SWT1: variants seen among roughly 807,000 people sequenced by gnomAD.
SWT1 encodes the protein transcriptional protein SWT1.
In SWT1, 33 loss-of-function variants were observed where a neutral mutation model predicts 107.3. That is an observed-to-expected ratio of 0.31 (90% CI 0.23 to 0.41). The LOEUF (loss-of-function observed/expected upper bound fraction) is 0.41, where lower values mean the gene tolerates loss of function less well. Ranked by LOEUF, SWT1 falls within the 10% of genes least tolerant of loss-of-function variation. The pLI, the probability that SWT1 is intolerant of heterozygous loss-of-function variation, is 1.00. For missense variants in SWT1, 898 were observed against 1,028.9 expected, an observed-to-expected ratio of 0.87 and a Z score of 1.74; for synonymous variants, 345 against 348.3, an observed-to-expected ratio of 0.99 and a Z score of 0.11.
intron 17 of SWT1, among the ~76,000 whole-genome samples, chr1:185,275,867 C>CAT (rs1329836422): frequency 1.3e-5 from 2 of 152,204 alleles, no homozygotes; most frequent in Non-Finnish European, 2.9e-5. Context: ...TAGGGGGTAT[C>CAT]ATTCTTCCCC....
chr1:185,235,229 C>G (rs1660780637), intron 16 of SWT1, among the ~76,000 whole-genome samples: 1 of 152,170 alleles, frequency 6.6e-6, no homozygotes, highest in Non-Finnish European at 1.5e-5. Context: ...CCAGCATCAT[C>G]CTGATACCAA....
chr1:185,200,998 G>A (rs771780559), intron 10 of SWT1, among the ~76,000 whole-genome samples: 19 of 152,246 alleles, frequency 1.2e-4, no homozygotes, highest in African/African-American at 3.1e-4. Flanking sequence ...GCTTTGGGGC[G>A]CTGCGGTGGG....
chr1:185,166,691 C>A, intron 3 of SWT1, 39 bp downstream of exon 3: 2 of 1,278,660 alleles, frequency 1.6e-6, no homozygotes, highest in Non-Finnish European at 2.2e-6. Context: ...GTTATTTATG[C>A]TAAAGTTTTA....
At chr1:185,220,253 T>C (rs1386724729) in intron 14 of SWT1, among the ~76,000 whole-genome samples, 3 of 150,924 alleles carry the variant, frequency 2.0e-5, no homozygotes, top group Non-Finnish European at 4.4e-5. Context: ...CTTTCTTTTT[T>C]TTTTTGCCAA....
chr1:185,184,254 TC>T lies in SWT1; in HGVS notation c.1151del (p.Ser384Ter). The T allele has an allele frequency of 6.5e-7, 1 of 1,534,564 alleles. No homozygotes were observed. Among genetic ancestry groups the T allele is most frequent in the Non-Finnish European group, 8.9e-7 (1 of 1,124,854 alleles). ...CTCTTTTTCTTTAGCAAATAATACT[TC>T]AGACAGAAAGCTTCTAATTGTTATT... ...DVHSSSANNT[S>X]DRKLLIVIDT... On this transcript the variant is annotated frameshift_variant, in exon 8 of 19. Coordinates refer to ENST00000367500, the MANE Select transcript of SWT1 (RefSeq NM_017673.7). LOFTEE classifies it high-confidence loss of function.
chr1:185,209,444 A>C (rs1378173504), intron 13 of SWT1, among the ~76,000 whole-genome samples: 1 of 152,036 alleles, frequency 6.6e-6, no homozygotes, highest in Non-Finnish European at 1.5e-5. Context: ...CTCATTGTTC[A>C]GCTCCCACAT....
At chr1:185,201,678 C>T (rs1657895919) in intron 10 of SWT1, among the ~76,000 whole-genome samples, 1 of 152,178 alleles carries the variant, frequency 6.6e-6, no homozygotes, top group Non-Finnish European at 1.5e-5. Flanking sequence ...GAGCTGCAGA[C>T]TGGAGCTGTT....
intron 16 of SWT1, among the ~76,000 whole-genome samples, chr1:185,242,713 T>C (rs1296445451): frequency 1.3e-5 from 2 of 152,166 alleles, no homozygotes; most frequent in Non-Finnish European, 2.9e-5. Context: ...TTTTAACTTG[T>C]TTATGGAGTT....
At position 185,169,309 on chromosome 1, in the gene SWT1, C is replaced by G. The variant is rs1423139388; in HGVS notation, c.224+911C>G. 2.5e-5 allele frequency among the ~76,000 whole-genome samples: 3 copies of G among 118,430 alleles called. No individual in the cohort carries two copies. In the Admixed American group the frequency reaches 2.6e-4, roughly 10 times the overall value. 77.7% of individuals were successfully genotyped at this position (118,430 alleles called of 152,430 possible). ...TTTTTTTTTTTTTAAATTTTAAGTT[C>G]TAAAACACTATTTGACTTTAAACTA... On this transcript the variant is annotated intron_variant, in intron 4 of 18. Coordinates refer to ENST00000367500, the MANE Select transcript of SWT1 (RefSeq NM_017673.7).
In SWT1 at chr1:185,206,696, A is replaced by G. The variant is rs746192842; in HGVS notation, c.1905A>G (p.Val635=). The change falls in exon 13 of 19, where the codon GTA becomes GTG. Residue 635 remains valine (V), a synonymous_variant. Transcript: ENST00000367500. The stretch of plus-strand genomic sequence containing the variant: ...GCTTTAAAAAACATTGGTTGGCTGT[A>G]TTTGGATTAGTTATGGAAAAGAACT... ...LQCFKKHWLA[V]FGLVMEKNLL... 1 of 1,608,960 alleles carries G rather than the reference A, an allele frequency of 6.2e-7. No homozygotes were observed. The highest frequency in any genetic ancestry group is 8.5e-7 in the Non-Finnish European group (1 of 1,176,650).
chr1:185,174,199 T>A (rs1655339966), intron 4 of SWT1, among the ~76,000 whole-genome samples, 173 bp from the exon 5 acceptor site: 1 of 152,206 alleles, frequency 6.6e-6, no homozygotes, highest in African/African-American at 2.4e-5. Context: ...AATAGCAAAC[T>A]AATTATTCTA....
At chr1:185,257,665 C>T (rs577134014) in intron 16 of SWT1, among the ~76,000 whole-genome samples, 1 of 152,350 alleles carries the variant, frequency 6.6e-6, no homozygotes, top group Non-Finnish European at 1.5e-5. Flanking sequence ...CACCCACTGA[C>T]CTGTGCCCAC....
Position 185,204,852 on chromosome 1 carries a change from C to G in SWT1, c.1822C>G (p.Leu608Val), listed in dbSNP as rs988368673. Residue 608 changes from leucine to valine, a missense_variant, in exon 12 of 19, where the codon CTT (leucine) becomes GTT (valine). By Grantham distance (32) the Leu-to-Val change is conservative. This residue lies in a region of SWT1 where 382 missense variants were observed against 460.0 expected (regional missense o/e 0.83). Transcript: ENST00000367500. Reference sequence around the variant, plus strand: ...AGAAATGAAAATTGCTTTTGGAAACCTTTGGATGGAGGTGATTAGTTGAAC... The same window carrying G: ...AGAAATGAAAATTGCTTTTGGAAACGTTTGGATGGAGGTGATTAGTTGAAC... ...ETEMKIAFGN[L>V]WMEILYLKPP... 10 of 1,569,782 alleles carry G rather than the reference C, an allele frequency of 6.4e-6. No homozygotes were observed. Among genetic ancestry groups the G allele is most frequent in the Non-Finnish European group, 7.8e-6 (9 of 1,161,122 alleles).
chr1:185,174,851 A>G lies in SWT1; in HGVS notation c.704A>G (p.Lys235Arg), dbSNP rs1655401656. The G allele has an allele frequency of 1.9e-6, 3 of 1,614,020 alleles. No individual in the cohort carries two copies. The highest frequency in any genetic ancestry group is 2.5e-6 in the Non-Finnish European group (3 of 1,180,030). The change falls in exon 5 of 19, where the codon AAA becomes AGA. Residue 235 changes from lysine to arginine, a missense_variant. Coordinates refer to ENST00000367500, the MANE Select transcript of SWT1 (RefSeq NM_017673.7). ...TCTAGAAGACAGAAGATCAGTTTCAAAATCCCTATAAAATCCCGTGACACC... is the reference window on the plus strand; with the variant it reads ...TCTAGAAGACAGAAGATCAGTTTCAGAATCCCTATAAAATCCCGTGACACC... Reference protein sequence around the residue: ...LGSRRQKISFKIPIKSRDTLQ... With the variant: ...LGSRRQKISFRIPIKSRDTLQ...
intron 10 of SWT1, among the ~76,000 whole-genome samples, chr1:185,194,544 A>G (rs896187054): frequency 6.6e-6 from 1 of 151,558 alleles, no homozygotes; most frequent in African/African-American, 2.4e-5. Flanking sequence ...GCTGTTGTAT[A>G]TATTGTCCCA....
chr1:185,159,199 G>T (rs1278289809), intron 1 of SWT1, among the ~76,000 whole-genome samples: 4 of 152,184 alleles, frequency 2.6e-5, no homozygotes, highest in Non-Finnish European at 4.4e-5. Flanking sequence ...CTTATTCATT[G>T]TGGTAGCAGA....
intron 18 of SWT1, among the ~76,000 whole-genome samples, chr1:185,288,703 A>G (rs1054576542): frequency 1.3e-5 from 2 of 152,164 alleles, no homozygotes; most frequent in Non-Finnish European, 2.9e-5. Context: ...GCCAGATGCT[A>G]TACTAGATGT....
chr1:185,202,399 G>C (rs902868179), intron 10 of SWT1, among the ~76,000 whole-genome samples: 4 of 151,942 alleles, frequency 2.6e-5, no homozygotes, highest in Non-Finnish European at 5.9e-5. Flanking sequence ...CTGTGAAATG[G>C]GGGTAAAGTT....
chr1:185,289,642 T>G (rs1026915358), intron 18 of SWT1, among the ~76,000 whole-genome samples: 5 of 152,156 alleles, frequency 3.3e-5, no homozygotes, highest in African/African-American at 1.2e-4. Context: ...ATAAAGAGAA[T>G]GTGGGATATA....
Sources: gnomAD v4.1 joint callset for allele counts (sites outside exome capture counted in the v4.1 genomes callset) on GRCh38, gnomAD v4.1.1 for gene constraint, gnomAD v4.1.1 regional missense constraint, MANE v1.5 for transcripts, NCBI Gene and HGNC (gene_info 2026-07-23, HGNC 2026-07-21) for gene names.